TECR: variants seen among roughly 807,000 people sequenced by gnomAD.
TECR encodes very-long-chain enoyl-CoA reductase.
TECR carries 19 observed loss-of-function variants against 50.6 expected under a neutral mutation model. The ratio of observed to expected loss-of-function variants is 0.38; its 90% CI spans 0.26 to 0.55. The LOEUF is 0.55. TECR is among the 20% of genes least tolerant of loss of function. The pLI, the probability that TECR is intolerant of heterozygous loss-of-function variation, is 0.79. For synonymous variants in TECR, 168 were observed against 163.5 expected, an observed-to-expected ratio of 1.03 and a Z score of -0.21; for missense variants, 313 against 408.3, an observed-to-expected ratio of 0.77 and a Z score of 2.01.
chr19:14,529,777 C>G lies in TECR; in HGVS notation c.15+66C>G, dbSNP rs147268675. On this transcript the variant is annotated intron_variant, in intron 1 of 12. Transcript: ENST00000215567. ...CCATTCTTTTTCCTTCTTTGCGGGACCACGGGACCCCACTTTCTGGTCCTG... is the reference window on the plus strand; with the variant it reads ...CCATTCTTTTTCCTTCTTTGCGGGAGCACGGGACCCCACTTTCTGGTCCTG... 567 of 1,607,782 alleles carry G rather than the reference C, an allele frequency of 3.5e-4. 1 individual carries two copies. The highest frequency in any genetic ancestry group is 2.5e-3 in the Middle Eastern group (15 of 5,984).
intron 1 of TECR, among the ~76,000 whole-genome samples, chr19:14,557,517 T>G (rs1009803190): frequency 6.1e-5 from 9 of 146,626 alleles, no homozygotes; most frequent in African/African-American, 2.3e-4. Context: ...AGTGGTGCGA[T>G]ATCAGCTCAC....
chr19:14,540,568 T>C (rs1459042989), intron 1 of TECR, among the ~76,000 whole-genome samples: 1 of 151,920 alleles, frequency 6.6e-6, no homozygotes, highest in Non-Finnish European at 1.5e-5. Flanking sequence ...ATTTTTGTAT[T>C]TTTAGTACAG....
chr19:14,552,144 CT>C (rs1371792254), intron 1 of TECR, among the ~76,000 whole-genome samples: 1 of 141,608 alleles, frequency 7.1e-6, no homozygotes, highest in African/African-American at 2.7e-5. Context: ...TGGCCTTTTT[CT>C]TTTCTTTCTT....
At chr19:14,544,468 C>T (rs748088277) in intron 1 of TECR, among the ~76,000 whole-genome samples, 3 of 151,870 alleles carry the variant, frequency 2.0e-5, no homozygotes, top group Non-Finnish European at 4.4e-5. Context: ...CTGATCAGGA[C>T]GAGGATGCTT....
intron 7 of TECR, 52 bp downstream of exon 7, chr19:14,564,339 C>T (rs776958669): frequency 8.5e-6 from 12 of 1,407,834 alleles, no homozygotes; most frequent in Admixed American, 6.0e-5. Flanking sequence ...TGCCCCACCC[C>T]GCCCCGCCCC....
chr19:14,554,206 C>T (rs1024567854), intron 1 of TECR, among the ~76,000 whole-genome samples: 6 of 152,198 alleles, frequency 3.9e-5, no homozygotes, highest in Admixed American at 2.6e-4. Context: ...CTGCTCCCTC[C>T]GGCTGCTGCA....
chr19:14,561,638 G>A (rs2073906199), intron 1 of TECR, among the ~76,000 whole-genome samples: 1 of 152,160 alleles, frequency 6.6e-6, no homozygotes, highest in Non-Finnish European at 1.5e-5. Context: ...GCTATAAGGT[G>A]AGAAGTGGGT....
chr19:14,539,246 G>A (rs1454716964), intron 1 of TECR, among the ~76,000 whole-genome samples: 1 of 141,468 alleles, frequency 7.1e-6, no homozygotes, highest in African/African-American at 2.7e-5. Flanking sequence ...CACCTGCCTC[G>A]GCCTCCCAAA....
intron 1 of TECR, among the ~76,000 whole-genome samples, chr19:14,543,145 G>A (rs983114353): frequency 1.3e-5 from 2 of 151,356 alleles, no homozygotes; most frequent in Non-Finnish European, 2.9e-5. Flanking sequence ...ACAGGCTGAA[G>A]TCACGGAGCT....
At chr19:14,562,314 C>T (rs532690875) in intron 1 of TECR, 41 of 647,788 alleles carry the variant, frequency 6.3e-5, no homozygotes, top group African/African-American at 5.4e-4. Context: ...GTGGGGAGGT[C>T]GGTGGTGGGG....
intron 1 of TECR, among the ~76,000 whole-genome samples, chr19:14,532,865 T>C (rs1444769018): frequency 6.6e-6 from 1 of 152,122 alleles, no homozygotes; most frequent in Non-Finnish European, 1.5e-5. Context: ...ATCCCAGCAC[T>C]TTGGGAGGCT....
At chr19:14,551,797 C>T (rs2073517207) in intron 1 of TECR, among the ~76,000 whole-genome samples, 1 of 152,016 alleles carries the variant, frequency 6.6e-6, no homozygotes, top group Admixed American at 6.6e-5. Flanking sequence ...GGATCGCATC[C>T]AGGGTGGTGG....
chr19:14,558,025 C>T (rs577482922), intron 1 of TECR, among the ~76,000 whole-genome samples: 5 of 151,698 alleles, frequency 3.3e-5, no homozygotes, highest in Non-Finnish European at 7.4e-5. Flanking sequence ...AAAGTGCTGG[C>T]ATTACAGGCG....
At chr19:14,537,613 T>C (rs2072948201) in intron 1 of TECR, among the ~76,000 whole-genome samples, 1 of 152,136 alleles carries the variant, frequency 6.6e-6, no homozygotes, top group Non-Finnish European at 1.5e-5. Flanking sequence ...TCAGGCTGGG[T>C]CTTAACACCT....
rs533096070 is a variant in TECR at position 14,564,999 on chromosome 19, A to C, written c.606+7A>C. On this transcript the variant is annotated splice_region_variant and intron_variant, in intron 9 of 12. Transcript: ENST00000215567. ...GGCGCTCGCCATCTTTGTGGTAAGG[A>C]GGCTGGGTGTGGGGACGGGGTCGGG... 8.0e-5 allele frequency: 129 copies of C among 1,613,834 alleles called. 2 individuals are homozygous for C. The South Asian group carries it at 1.2e-3, about 15-fold the overall frequency.
rs765882054 is a variant in TECR at position 14,564,313 on chromosome 19, C to G, written c.489+26C>G. 3.8e-6 allele frequency: 6 copies of G among 1,567,328 alleles called. No homozygotes were observed. In the Admixed American group the frequency reaches 8.6e-5, roughly 22 times the overall value. ...GTGAGAGCCCGTCCCCGCCTCACCC[C>G]TAAGCCCCGCCTTTCTGCCCCACCC... On this transcript the variant is annotated intron_variant, in intron 7 of 12. Transcript: ENST00000215567.
chr19:14,562,598 A>T, intron 2 of TECR, 23 bp downstream of exon 2: 1 of 1,613,996 alleles, frequency 6.2e-7, no homozygotes, highest in Non-Finnish European at 8.5e-7. Flanking sequence ...CGTGGGCTGC[A>T]CTGGGCCAAG....
intron 1 of TECR, among the ~76,000 whole-genome samples, chr19:14,560,863 T>TATCCCATGGGGTGCCTCCC (rs2073881917): frequency 6.6e-6 from 1 of 152,162 alleles, no homozygotes; most frequent in Non-Finnish European, 1.5e-5. Context: ...CAATGCCTCC[T>TATCCCATGGGGTGCCTCCC]ATCCCATGGG....
In TECR at chr19:14,550,964, A is replaced by G. The variant is rs79364256; in HGVS notation, c.16-11561A>G. Among the ~76,000 whole-genome samples the G allele has an allele frequency of 2.8e-3, 427 of 151,544 alleles. 4 individuals carry two copies. Among genetic ancestry groups the G allele is most frequent in the African/African-American group, 9.9e-3 (411 of 41,316 alleles). The stretch of plus-strand genomic sequence containing the variant: ...TGGGATTACAGGCATGAACTACCAC[A>G]CCCGGCCGCTCCTTTTACTTATGAG... On this transcript the variant is annotated intron_variant, in intron 1 of 12. Coordinates refer to ENST00000215567, the MANE Select transcript of TECR (RefSeq NM_138501.6).
Sources: allele counts gnomAD v4.1 joint callset (sites outside exome capture counted in the v4.1 genomes callset), GRCh38; gene constraint gnomAD v4.1.1; transcripts MANE v1.5; gene names NCBI Gene and HGNC (gene_info 2026-07-23, HGNC 2026-07-21).